ATP11C: variants seen among roughly 807,000 people sequenced by gnomAD.
The protein encoded by ATP11C is ATPase phospholipid transporting 11C (ATP11C blood group).
A neutral mutation model predicts 97.4 loss-of-function variants in ATP11C; 36 were observed. The ratio of observed to expected loss-of-function variants is 0.37; its 90% CI spans 0.28 to 0.49. The LOEUF is 0.49. ATP11C is among the 20% of genes least tolerant of loss of function. The probability of loss-of-function intolerance (pLI) is 0.98; values close to 1 mark genes in which losing one functional copy is unlikely to be tolerated. For synonymous variants in ATP11C, 275 were observed against 290.9 expected (o/e 0.95, Z 0.56); for missense variants, 730 against 824.6 (o/e 0.89, Z 1.40).
At chrX:139,775,735 G>A (rs1247737144) in intron 18 of ATP11C, among the ~76,000 whole-genome samples, 2 of 112,692 alleles carry the variant, frequency 1.8e-5, no homozygotes, top group African/African-American at 3.2e-5. Flanking sequence ...CATCAGTGGC[G>A]ATATAGGAGC....
chrX:139,772,343 G>A (rs1159646149), intron 19 of ATP11C, among the ~76,000 whole-genome samples: 1 of 112,335 alleles, frequency 8.9e-6, no homozygotes, highest in Non-Finnish European at 1.9e-5. Context: ...GGCCCTCATG[G>A]AGAACCTCTG....
chrX:139,734,570 T>C (rs893113125), intron 28 of ATP11C, among the ~76,000 whole-genome samples: 8 of 111,756 alleles, frequency 7.2e-5, no homozygotes, highest in Non-Finnish European at 1.5e-4. Context: ...TTTCATTGAT[T>C]TACAGACAGC....
chrX:139,763,354 T>C lies in ATP11C; in HGVS notation c.2456A>G (p.Asn819Ser), dbSNP rs2082074518. The change falls in exon 21 of 30, where the codon AAT becomes AGT. Residue 819 changes from asparagine (N) to serine (S), a missense_variant. By Grantham distance (46) the Asn-to-Ser change is conservative. Coordinates refer to ENST00000682941, the MANE Select transcript of ATP11C (RefSeq NM_001353812.2). ...GGATTCCAAGATCATACTAACATCA[T>C]TGGCACCATCACCTATCGACAGAGT... ...PITLSIGDGA[N>S]DVSMILESHV... is the part of the protein sequence containing the mutation. 2 of 1,210,887 alleles carry C rather than the reference T, an allele frequency of 1.7e-6. No homozygotes were observed. The highest frequency in any genetic ancestry group is 2.2e-6 in the Non-Finnish European group (2 of 894,427).
At chrX:139,774,439 T>TAG (rs1239828347) in intron 19 of ATP11C, among the ~76,000 whole-genome samples, 3 of 112,441 alleles carry the variant, frequency 2.7e-5, no homozygotes, top group Non-Finnish European at 5.6e-5. Flanking sequence ...TCTAAACATT[T>TAG]AAAAATTGAG....
intron 2 of ATP11C, among the ~76,000 whole-genome samples, chrX:139,824,407 A>C (rs6635913): frequency 8.9e-6 from 1 of 111,772 alleles, no homozygotes; most frequent in African/African-American, 3.3e-5. Flanking sequence ...AGATAAAAAA[A>C]CAAAAAGCAT....
At chrX:139,892,343 C>A (rs1375394512) in intron 1 of ATP11C, among the ~76,000 whole-genome samples, 1 of 111,339 alleles carries the variant, frequency 9.0e-6, no homozygotes, top group African/African-American at 3.3e-5. Context: ...AAAGACAGTG[C>A]AGCAACAACC....
At chrX:139,766,397 C>A (rs1264454689) in intron 20 of ATP11C, among the ~76,000 whole-genome samples, 1 of 111,780 alleles carries the variant, frequency 8.9e-6, no homozygotes. Flanking sequence ...AAAAAGAGAT[C>A]GCTTTTGCAG....
chrX:139,796,841 A>G (rs2082808038), intron 11 of ATP11C, among the ~76,000 whole-genome samples: 2 of 111,906 alleles, frequency 1.8e-5, no homozygotes. Flanking sequence ...TAAAATGTCA[A>G]AGCATCTTGC....
At chrX:139,910,564 C>G (rs867915883) in intron 1 of ATP11C, among the ~76,000 whole-genome samples, 1 of 108,011 alleles carries the variant, frequency 9.3e-6, no homozygotes, top group Non-Finnish European at 1.9e-5. Flanking sequence ...CGAGATTCTG[C>G]CATTGCACTC....
intron 1 of ATP11C, among the ~76,000 whole-genome samples, chrX:139,858,751 T>A (rs1251223643): frequency 8.9e-6 from 1 of 112,481 alleles, no homozygotes; most frequent in Non-Finnish European, 1.9e-5. Context: ...TCCAAGGTTA[T>A]TACACAGCCA....
rs1053475887 is a variant in ATP11C, at chrX:139,734,633, C to T, written c.3289-2878G>A. 3.6e-5 allele frequency among the ~76,000 whole-genome samples: 4 copies of T among 111,578 alleles called. No homozygotes were observed. In the Admixed American group the frequency reaches 3.8e-4, roughly 11 times the overall value. ...CTTTTTGAAATACAAAAATCCTATACTTGACCTTTCCTTGAGGTGTTATCC... is the reference window on the plus strand; with the variant it reads ...CTTTTTGAAATACAAAAATCCTATATTTGACCTTTCCTTGAGGTGTTATCC... On this transcript the variant is annotated intron_variant, in intron 28 of 29. Transcript: ENST00000682941.
intron 25 of ATP11C, among the ~76,000 whole-genome samples, chrX:139,744,607 A>T (rs994798378): frequency 3.2e-4 from 36 of 112,062 alleles, no homozygotes; most frequent in Non-Finnish European, 6.2e-4. Flanking sequence ...AAAAAGTGAA[A>T]GCTGCACAAT....
intron 19 of ATP11C, among the ~76,000 whole-genome samples, chrX:139,770,155 C>A (rs1350608736): frequency 9.2e-6 from 1 of 109,187 alleles, no homozygotes; most frequent in Non-Finnish European, 1.9e-5. Context: ...TAAACACCAA[C>A]TATAAGCACA....
intron 18 of ATP11C, among the ~76,000 whole-genome samples, chrX:139,781,730 TAAATAA>T (rs887363824): frequency 1.8e-5 from 2 of 110,180 alleles, no homozygotes; most frequent in African/African-American, 3.3e-5. Flanking sequence ...AATAAATAAA[TAAATAA>T]AAATAAAAAT....
chrX:139,838,536 G>A (rs12007512), intron 1 of ATP11C, among the ~76,000 whole-genome samples: 1,907 of 111,692 alleles, frequency 0.017, 31 homozygotes, highest in African/African-American at 0.058. Flanking sequence ...TCATTAAAAA[G>A]TTAAACATAG....
chrX:139,909,815 A>G (rs968734908), intron 1 of ATP11C: 2 of 112,069 alleles, frequency 1.8e-5, no homozygotes, highest in African/African-American at 6.5e-5. Flanking sequence ...TACAGAATTC[A>G]GCTGGTTACT....
At chrX:139,912,846 G>A (rs987507074) in intron 1 of ATP11C, among the ~76,000 whole-genome samples, 3 of 111,419 alleles carry the variant, frequency 2.7e-5, no homozygotes, top group Non-Finnish European at 5.7e-5. Flanking sequence ...TTCAAAACAG[G>A]GATATATGTT....
At chrX:139,780,639 A>C (rs750711805) in intron 18 of ATP11C, among the ~76,000 whole-genome samples, 2 of 111,457 alleles carry the variant, frequency 1.8e-5, no homozygotes, top group Admixed American at 1.9e-4. Context: ...TTCCCCTAAA[A>C]ACTGGAACAA....
intron 5 of ATP11C, among the ~76,000 whole-genome samples, chrX:139,806,923 CA>C (rs1327504563): frequency 3.6e-5 from 4 of 110,998 alleles, no homozygotes; most frequent in African/African-American, 1.3e-4. Context: ...GAGGTAGAAA[CA>C]AAAGTGACCT....
Sources: gnomAD v4.1 joint callset for allele counts (sites outside exome capture counted in the v4.1 genomes callset) on GRCh38, gnomAD v4.1.1 for gene constraint, MANE v1.5 for transcripts, NCBI Gene and HGNC (gene_info 2026-07-23, HGNC 2026-07-21) for gene names.